The following P2RX3 variants were observed in gnomAD, a reference collection of about 807,000 sequenced individuals.
The protein encoded by P2RX3 is P2X purinoceptor 3.
P2RX3 carries 41 observed loss-of-function variants against 51.5 expected under a neutral mutation model. That is an observed-to-expected ratio of 0.80 (90% CI 0.62 to 1.03). The LOEUF (loss-of-function observed/expected upper bound fraction) is 1.03. Among genes scored for constraint, P2RX3 ranks in the 50% least tolerant of loss-of-function variants. The pLI is 0.00. For missense variants in P2RX3, 459 were observed against 522.1 expected (o/e 0.88, Z 1.18); for synonymous variants, 185 against 191.6 (o/e 0.97, Z 0.29).
upstream of P2RX3, among the ~76,000 whole-genome samples, chr11:57,337,329 A>AAAAAG (rs1554965262): frequency 1.3e-5 from 1 of 77,288 alleles, no homozygotes; most frequent in Non-Finnish European, 2.3e-5. Flanking sequence ...AAGAAAAAAA[A>AAAAAG]AAGGAAGGGA....
rs780131541 is a variant in P2RX3, at chr11:57,338,511, C to T, written c.-40C>T. On this transcript the variant is annotated 5_prime_UTR_variant, in exon 1 of 12. Transcript: ENST00000263314. ...GGACCTCCCTCTCCTGAGGCCACCA[C>T]TGGGCCCCCTTCTGAGTGTCCCCTG... 6.8e-7 allele frequency: 1 copy of T among 1,472,466 alleles called. No individual in the cohort carries two copies. The highest frequency in any genetic ancestry group is 9.4e-7 in the Non-Finnish European group (1 of 1,063,092). The allele number at this position is 1,472,466 out of a possible 1,614,324, so 91.2% of individuals were successfully genotyped here.
chr11:57,365,010 G>T (rs1856776977), intron 8 of P2RX3, among the ~76,000 whole-genome samples: 1 of 152,106 alleles, frequency 6.6e-6, no homozygotes, highest in Non-Finnish European at 1.5e-5. Flanking sequence ...TTTTCACTGA[G>T]TCGTTCTCAG....
In P2RX3 at chr11:57,369,301, A is replaced by T. The variant is rs143844220; in HGVS notation, c.1003-60A>T. Reference sequence around the variant, plus strand: ...CTGCCCGAGCCCAGCACTTCCTGCCACCCTGATCCCACCCAACCCAGGGCA... The same window carrying T: ...CTGCCCGAGCCCAGCACTTCCTGCCTCCCTGATCCCACCCAACCCAGGGCA... On this transcript the variant is annotated intron_variant, in intron 10 of 11. Transcript: ENST00000263314. The T allele has an allele frequency of 4.3e-5, 64 of 1,500,364 alleles. No homozygotes were observed. The African/African-American group carries it at 5.8e-4, about 14-fold the overall frequency. 92.9% of individuals were successfully genotyped at this position (1,500,364 alleles called of 1,614,324 possible). A position where few individuals can be genotyped will look rare whatever the true frequency, so the allele number is the denominator to read the frequency against.
At position 57,347,187 on chromosome 11, in the gene P2RX3, G is replaced by C; in HGVS notation, c.327G>C (p.Glu109Asp). The C allele has an allele frequency of 6.2e-7, 1 of 1,613,092 alleles. No homozygotes were observed. The highest frequency in any genetic ancestry group is 2.2e-5 in the East Asian group (1 of 44,884). ...TENQMQGFCP[E>D]SEEKYRCVSD... ...ATCAGATGCAAGGATTCTGCCCAGAGGTGAGGGGAGGACAGAGGTTGGGTG... is the reference window on the plus strand; with the variant it reads ...ATCAGATGCAAGGATTCTGCCCAGACGTGAGGGGAGGACAGAGGTTGGGTG... The change falls in exon 3 of 12, where the codon GAG becomes GAC. Residue 109 changes from glutamate (E) to aspartate (D), a missense_variant and splice_region_variant. Transcript: ENST00000263314.
intron 1 of P2RX3, among the ~76,000 whole-genome samples, chr11:57,345,498 G>C (rs947778661): frequency 6.6e-6 from 1 of 152,170 alleles, no homozygotes; most frequent in Admixed American, 6.5e-5. Context: ...CTCATCTGTC[G>C]AATGGGAATG....
At chr11:57,366,612 G>A (rs910871734) in intron 8 of P2RX3, among the ~76,000 whole-genome samples, 7 of 152,268 alleles carry the variant, frequency 4.6e-5, no homozygotes, top group Admixed American at 1.3e-4. Context: ...ATAATTGTCC[G>A]CTTTCCGTTG....
At chr11:57,359,630 T>C (rs1463227610) in intron 8 of P2RX3, among the ~76,000 whole-genome samples, 1 of 152,258 alleles carries the variant, frequency 6.6e-6, no homozygotes, top group Admixed American at 6.5e-5. Flanking sequence ...CATGCTGTGC[T>C]TTCTCCACAG....
At chr11:57,369,511 G>A (rs1001787961) in intron 11 of P2RX3, 73 bp downstream of exon 11, 18 of 1,431,944 alleles carry the variant, frequency 1.3e-5, no homozygotes, top group Admixed American at 2.1e-5. Context: ...GACTCTCAGT[G>A]GCTCCCCTTC....
Position 57,349,843 on chromosome 11 carries a change from G to C in P2RX3, c.650G>C (p.Arg217Pro). ...AAGGACCCTTTCTGCCCCATCTTGC[G>C]GGTAGGGGACGTGGTCAAGTTTGCG... ...PDKDPFCPIL[R>P]VGDVVKFAGQ... The change falls in exon 7 of 12, where the codon CGG becomes CCG. Residue 217 changes from arginine (R) to proline (P), a missense_variant. Transcript: ENST00000263314. 1 of 1,614,224 alleles carries C rather than the reference G, an allele frequency of 6.2e-7. No individual in the cohort carries two copies. The highest frequency in any genetic ancestry group is 1.1e-5 in the South Asian group (1 of 91,084).
intron 1 of P2RX3, 71 bp from the exon 2 acceptor site, chr11:57,346,473 C>T (rs1032322168): frequency 2.3e-5 from 36 of 1,564,212 alleles, no homozygotes; most frequent in Middle Eastern, 1.7e-4. Flanking sequence ...AGGAAGGTGA[C>T]CTCTCCCAGC....
intron 8 of P2RX3, among the ~76,000 whole-genome samples, chr11:57,358,943 A>G (rs769929311): frequency 1.1e-4 from 16 of 152,172 alleles, no homozygotes; most frequent in Non-Finnish European, 2.1e-4. Context: ...CCTCAGAATC[A>G]TTCGATTGAG....
rs1243303508 is a variant in P2RX3 at position 57,370,015 on chromosome 11, C to G, written c.*18C>G. On this transcript the variant is annotated 3_prime_UTR_variant, in exon 12 of 12. Transcript: ENST00000263314. ...GCCACTAGGGCCTCTTTCCAGGGCC[C>G]CACACTCACAAAGGCTCCAGGCCTC... 1 of 1,571,896 alleles carries G rather than the reference C, an allele frequency of 6.4e-7. No individual in the cohort carries two copies. Among genetic ancestry groups the G allele is most frequent in the Non-Finnish European group, 8.7e-7 (1 of 1,143,264 alleles).
Position 57,348,627 on chromosome 11 carries a change from G to A in P2RX3, c.486G>A (p.Thr162=). Residue 162 remains threonine (T), a splice_region_variant and synonymous_variant, in exon 6 of 12, where the codon ACG becomes ACA. Coordinates refer to ENST00000263314, the MANE Select transcript of P2RX3 (RefSeq NM_002559.5). ...WCPTEVDTVE[T]PIMMEAENFT... ...TAAGGCCTCCTGTGCTCACCCACAG[G>A]CCCATCATGATGGAAGCTGAGAACT... 6.2e-7 allele frequency: 1 copy of A among 1,613,342 alleles called. No individual in the cohort carries two copies. Among genetic ancestry groups the A allele is most frequent in the Non-Finnish European group, 8.5e-7 (1 of 1,179,444 alleles).
Position 57,369,880 on chromosome 11 carries a change from G to T in P2RX3, c.1081-4G>T. 1 of 1,600,058 alleles carries T rather than the reference G, an allele frequency of 6.2e-7. No individual in the cohort carries two copies. Among genetic ancestry groups the T allele is most frequent in the Non-Finnish European group, 8.6e-7 (1 of 1,167,578 alleles). ...CTTGACAACACCAGCTCTTTCGCCTGCAGGTGAATGAGACTACGCTGAAAA... is the reference window on the plus strand; with the variant it reads ...CTTGACAACACCAGCTCTTTCGCCTTCAGGTGAATGAGACTACGCTGAAAA... On this transcript the variant is annotated splice_region_variant and splice_polypyrimidine_tract_variant and intron_variant, in intron 11 of 11. Transcript: ENST00000263314.
At chr11:57,363,399 G>A (rs892455648) in intron 8 of P2RX3, among the ~76,000 whole-genome samples, 1 of 152,118 alleles carries the variant, frequency 6.6e-6, no homozygotes, top group Non-Finnish European at 1.5e-5. Context: ...TGCACTGTGG[G>A]CCAGTGGGGG....
At chr11:57,358,682 G>T (rs1176481458) in intron 8 of P2RX3, among the ~76,000 whole-genome samples, 1 of 152,126 alleles carries the variant, frequency 6.6e-6, no homozygotes, top group Admixed American at 6.5e-5. Flanking sequence ...ATCAACATGT[G>T]TGGGTGTCTG....
At chr11:57,368,245 C>A in intron 9 of P2RX3, 127 bp from the exon 10 acceptor site, 2 of 1,316,036 alleles carry the variant, frequency 1.5e-6, no homozygotes, top group African/African-American at 1.4e-5. Context: ...CCCATCAATT[C>A]ACCTGTCCCG....
chr11:57,340,652 A>C (rs1332020117), intron 1 of P2RX3: 3 of 152,320 alleles, frequency 2.0e-5, no homozygotes, highest in Non-Finnish European at 4.4e-5. Context: ...TGGGGCTTAC[A>C]GCGGAAGGCA....
chr11:57,348,512 A>T (rs745827704), intron 5 of P2RX3, 115 bp from the exon 6 acceptor site: 55 of 868,472 alleles, frequency 6.3e-5, no homozygotes, highest in Non-Finnish European at 6.5e-5. Context: ...AGTGCCCTTT[A>T]TCTATAAGAG....
Sources: gnomAD v4.1 joint callset for allele counts (sites outside exome capture counted in the v4.1 genomes callset) on GRCh38, gnomAD v4.1.1 for gene constraint, MANE v1.5 for transcripts, NCBI Gene and HGNC (gene_info 2026-07-23, HGNC 2026-07-21) for gene names.